The following TAOK1 variants were observed in gnomAD, a reference collection of about 807,000 sequenced individuals.
The protein encoded by TAOK1 is TAO kinase 1, also known as serine/threonine-protein kinase TAO1.
TAOK1 carries 21 observed loss-of-function variants against 138.3 expected under a neutral mutation model. The observed-to-expected ratio is 0.15, with a 90% CI of 0.11 to 0.22. The LOEUF (loss-of-function observed/expected upper bound fraction) is 0.22, where lower values mean the gene tolerates loss of function less well. Among genes scored for constraint, TAOK1 ranks in the 10% least tolerant of loss-of-function variants. TAOK1 has a pLI of 1.00. For missense variants in TAOK1, 651 were observed against 1,227.7 expected (o/e 0.53, Z 7.02); for synonymous variants, 361 against 398.4 (o/e 0.91, Z 1.12).
chr17:29,452,393 A>T lies in TAOK1; in HGVS notation c.132+713A>T, dbSNP rs564488103. ...AGAACACAGACTTCCACTGATTTCTACTTCTGTAAAGTCCCATTCAGAGTC... is the reference window on the plus strand; with the variant it reads ...AGAACACAGACTTCCACTGATTTCTTCTTCTGTAAAGTCCCATTCAGAGTC... On this transcript the variant is annotated intron_variant, in intron 2 of 19. Transcript: ENST00000261716. Among the ~76,000 whole-genome samples the T allele has an allele frequency of 2.0e-5, 3 of 152,250 alleles. No homozygotes were observed. The South Asian group carries it at 6.2e-4, about 32-fold the overall frequency.
chr17:29,437,266 G>T (rs1477732543), intron 1 of TAOK1, among the ~76,000 whole-genome samples: 1 of 151,764 alleles, frequency 6.6e-6, no homozygotes, highest in East Asian at 1.9e-4. Flanking sequence ...GTTACACCAT[G>T]TTGGCCAGGC....
chr17:29,509,769 G>C (rs2031687414), intron 14 of TAOK1, among the ~76,000 whole-genome samples: 1 of 151,666 alleles, frequency 6.6e-6, no homozygotes, highest in East Asian at 2.0e-4. Flanking sequence ...GGTGGCATAC[G>C]CCTTTAGTTC....
intron 1 of TAOK1, among the ~76,000 whole-genome samples, chr17:29,408,306 A>C (rs1250619427): frequency 1.3e-5 from 2 of 150,098 alleles, no homozygotes; most frequent in Non-Finnish European, 3.0e-5. Flanking sequence ...GCACACCCCA[A>C]CGTCTGCCTC....
chr17:29,447,136 C>T (rs2030104647), intron 1 of TAOK1, among the ~76,000 whole-genome samples: 1 of 151,108 alleles, frequency 6.6e-6, no homozygotes, highest in African/African-American at 2.4e-5. Flanking sequence ...TACAACCTCA[C>T]ACTCCTGGGC....
At position 29,479,107 on chromosome 17, in the gene TAOK1, C is replaced by T. The variant is rs144467476; in HGVS notation, c.449+760C>T. On this transcript the variant is annotated intron_variant, in intron 6 of 19. Transcript: ENST00000261716. ...GCCACTGTACACACTGTACACTGTACCACTGTACAGCCTGGGTGACAGAGT... is the reference window on the plus strand; with the variant it reads ...GCCACTGTACACACTGTACACTGTATCACTGTACAGCCTGGGTGACAGAGT... Among the ~76,000 whole-genome samples, 76 of 151,330 alleles carry T rather than the reference C, an allele frequency of 5.0e-4. 1 individual carries two copies. In the East Asian group the frequency reaches 0.015, roughly 29 times the overall value.
rs756840174 is a variant in TAOK1 at position 29,511,038 on chromosome 17, T to C, written c.1704+46T>C. On this transcript the variant is annotated intron_variant, in intron 15 of 19. Coordinates refer to ENST00000261716, the MANE Select transcript of TAOK1 (RefSeq NM_020791.4). ...TCCAAGCAAATTTTCTGCTTATTAATTATATCCAATGGTGACCAACTCATA... is the reference window on the plus strand; with the variant it reads ...TCCAAGCAAATTTTCTGCTTATTAACTATATCCAATGGTGACCAACTCATA... 1.9e-6 allele frequency: 3 copies of C among 1,556,584 alleles called. No homozygotes were observed. The South Asian group carries it at 3.7e-5, about 19-fold the overall frequency.
intron 11 of TAOK1, 89 bp from the exon 12 acceptor site, chr17:29,498,229 A>C: frequency 7.6e-7 from 1 of 1,323,942 alleles, no homozygotes; most frequent in Non-Finnish European, 1.1e-6. Flanking sequence ...CTGTCTGCCA[A>C]GTGGTATGCT....
intron 17 of TAOK1, among the ~76,000 whole-genome samples, chr17:29,523,676 G>A (rs561172538): frequency 6.6e-5 from 10 of 152,204 alleles, no homozygotes; most frequent in South Asian, 6.2e-4. Context: ...ATGAACCACC[G>A]CACCTGGCCC....
rs557531604 is a variant in TAOK1 at position 29,449,711 on chromosome 17, C to T, written c.-94-1744C>T. Among the ~76,000 whole-genome samples the T allele has an allele frequency of 2.8e-3, 431 of 151,816 alleles. 1 individual carries two copies. The highest frequency in any genetic ancestry group is 4.5e-3 in the Non-Finnish European group (308 of 67,906). Reference sequence around the variant, plus strand: ...CAAAAATTAGCCGGGGGCGGTGGTGCGTGCCTGTAGTCCCAGCTACTTGGG... The same window carrying T: ...CAAAAATTAGCCGGGGGCGGTGGTGTGTGCCTGTAGTCCCAGCTACTTGGG... On this transcript the variant is annotated intron_variant, in intron 1 of 19. Transcript: ENST00000261716.
intron 3 of TAOK1, among the ~76,000 whole-genome samples, chr17:29,473,812 C>T (rs1351883501): frequency 6.6e-6 from 1 of 151,874 alleles, no homozygotes; most frequent in South Asian, 2.1e-4. Context: ...CTGCAGCCTC[C>T]GCCTCCTGGG....
chr17:29,465,511 T>A (rs1452083368), intron 2 of TAOK1, among the ~76,000 whole-genome samples: 1 of 151,136 alleles, frequency 6.6e-6, no homozygotes, highest in Non-Finnish European at 1.5e-5. Flanking sequence ...TGTCCTTTTT[T>A]TAAAAAAAAA....
chr17:29,436,907 A>G (rs911402198), intron 1 of TAOK1, among the ~76,000 whole-genome samples: 1 of 152,070 alleles, frequency 6.6e-6, no homozygotes, highest in African/African-American at 2.4e-5. Flanking sequence ...CAGGGAAGAA[A>G]ATTTTGAAAC....
chr17:29,487,919 A>G (rs888617910), intron 8 of TAOK1, among the ~76,000 whole-genome samples: 5 of 152,210 alleles, frequency 3.3e-5, no homozygotes, highest in East Asian at 1.9e-4. Context: ...CAAGTGATCA[A>G]AATGAATACC....
chr17:29,463,506 G>GGTT (rs1172991684), intron 2 of TAOK1, among the ~76,000 whole-genome samples: 9 of 152,000 alleles, frequency 5.9e-5, no homozygotes. Flanking sequence ...GGGAGGTGGA[G>GGTT]GTTGCAGTGA....
intron 1 of TAOK1, among the ~76,000 whole-genome samples, chr17:29,392,175 C>T (rs971080211): frequency 1.3e-5 from 2 of 151,958 alleles, no homozygotes; most frequent in Admixed American, 6.6e-5. Flanking sequence ...GAGATGGTGC[C>T]ACTGCACTCC....
At chr17:29,507,272 G>GTT (rs934319435) in intron 13 of TAOK1, among the ~76,000 whole-genome samples, 36 of 138,854 alleles carry the variant, frequency 2.6e-4, no homozygotes, top group Admixed American at 8.6e-4. Flanking sequence ...TTTTTTTTTT[G>GTT]TTTTTTTTTT....
At chr17:29,441,351 AT>A (rs1321641518) in intron 1 of TAOK1, among the ~76,000 whole-genome samples, 1 of 152,194 alleles carries the variant, frequency 6.6e-6, no homozygotes, top group East Asian at 1.9e-4. Flanking sequence ...CTTTAAAAAA[AT>A]TGTAGAAGTC....
chr17:29,421,746 A>G (rs1038853212), intron 1 of TAOK1, among the ~76,000 whole-genome samples: 2 of 151,874 alleles, frequency 1.3e-5, no homozygotes, highest in South Asian at 2.1e-4. Context: ...CCACATGCAC[A>G]TGCCACCACA....
chr17:29,483,523 A>T (rs1387410846), intron 8 of TAOK1, among the ~76,000 whole-genome samples: 1 of 152,184 alleles, frequency 6.6e-6, no homozygotes, highest in Non-Finnish European at 1.5e-5. Context: ...AATGAAGGTA[A>T]AATCTTGCTT....
Sources: gnomAD v4.1 joint callset for allele counts (sites outside exome capture counted in the v4.1 genomes callset) on GRCh38, gnomAD v4.1.1 for gene constraint, MANE v1.5 for transcripts, NCBI Gene and HGNC (gene_info 2026-07-23, HGNC 2026-07-21) for gene names.